Variants in SCAPER observed in about 807,000 individuals in gnomAD.
SCAPER encodes the protein S-phase cyclin A associated protein in the ER.
SCAPER carries 98 observed loss-of-function variants against 182.2 expected under a neutral mutation model. The observed-to-expected ratio is 0.54, with a 90% CI of 0.46 to 0.64. The LOEUF is 0.64. Ranked by LOEUF, SCAPER falls within the 30% of genes least tolerant of loss-of-function variation. SCAPER has a pLI of 0.00. For synonymous variants in SCAPER, 605 were observed against 564.6 expected, an observed-to-expected ratio of 1.07 and a Z score of -1.01; for missense variants, 1,432 against 1,690.0, an observed-to-expected ratio of 0.85 and a Z score of 2.68.
intron 20 of SCAPER, among the ~76,000 whole-genome samples, chr15:76,674,800 A>G (rs1368471253): frequency 6.6e-6 from 1 of 151,726 alleles, no homozygotes; most frequent in Non-Finnish European, 1.5e-5. Context: ...CCCTAATACA[A>G]TTATGCAGCA....
chr15:76,839,377 T>C (rs371066789), intron 5 of SCAPER, among the ~76,000 whole-genome samples: 9 of 152,310 alleles, frequency 5.9e-5, no homozygotes, highest in East Asian at 3.9e-4. Flanking sequence ...TATTGCGTCA[T>C]GTATCTCATA....
intron 1 of SCAPER, among the ~76,000 whole-genome samples, chr15:76,898,693 A>C (rs1366108335): frequency 6.6e-6 from 1 of 152,232 alleles, no homozygotes; most frequent in Non-Finnish European, 1.5e-5. Flanking sequence ...GAATAGGCAA[A>C]TCCATAAAGA....
rs1203189829 is a variant in SCAPER at position 76,362,661 on chromosome 15, T to A, written c.3856-8521A>T. 3.3e-5 allele frequency among the ~76,000 whole-genome samples: 5 copies of A among 152,270 alleles called. No homozygotes were observed. In the East Asian group the frequency reaches 9.7e-4, roughly 29 times the overall value. On this transcript the variant is annotated intron_variant, in intron 29 of 31. Coordinates refer to ENST00000563290, the MANE Select transcript of SCAPER (RefSeq NM_020843.4). ...CTCTTGACCTTGTGATCTACTCACC[T>A]CGGCCTCCCAAAGTGCTGGGATTAC...
chr15:76,543,520 G>A (rs2044975039), intron 23 of SCAPER, among the ~76,000 whole-genome samples: 1 of 152,124 alleles, frequency 6.6e-6, no homozygotes, highest in South Asian at 2.1e-4. Flanking sequence ...GTGGACAGAA[G>A]CTGCATGTTA....
intron 25 of SCAPER, among the ~76,000 whole-genome samples, chr15:76,463,914 T>C (rs2049378102): frequency 6.6e-6 from 1 of 151,948 alleles, no homozygotes. Context: ...CACATCTCAA[T>C]TTGCTCATCA....
chr15:76,644,678 T>G (rs1039151979), intron 21 of SCAPER, among the ~76,000 whole-genome samples: 4 of 152,130 alleles, frequency 2.6e-5, no homozygotes, highest in African/African-American at 9.7e-5. Context: ...ATACCCAGTA[T>G]AAAACCTAAA....
intron 22 of SCAPER, among the ~76,000 whole-genome samples, chr15:76,598,113 A>G (rs1277486749): frequency 8.3e-6 from 1 of 120,540 alleles, no homozygotes; most frequent in African/African-American, 2.5e-5. Flanking sequence ...CAAGAAAAAA[A>G]AAACAACCCC....
chr15:76,679,216 AT>A (rs2057543804), intron 20 of SCAPER, among the ~76,000 whole-genome samples: 1 of 152,182 alleles, frequency 6.6e-6, no homozygotes, highest in South Asian at 2.1e-4. Context: ...AAACTGTGAA[AT>A]TTGTCAGAGG....
intron 26 of SCAPER, among the ~76,000 whole-genome samples, chr15:76,423,870 G>C (rs1412759936): frequency 1.3e-5 from 2 of 152,032 alleles, no homozygotes; most frequent in East Asian, 3.8e-4. Context: ...CCTTCATTTC[G>C]TTATTTACCC....
intron 21 of SCAPER, among the ~76,000 whole-genome samples, chr15:76,659,660 C>T (rs1198299872): frequency 6.6e-6 from 1 of 152,148 alleles, no homozygotes; most frequent in African/African-American, 2.4e-5. Context: ...AAATGGAAAT[C>T]AAAACCATAA....
chr15:76,624,698 G>A (rs979887782), intron 21 of SCAPER, among the ~76,000 whole-genome samples: 3 of 152,148 alleles, frequency 2.0e-5, no homozygotes. Context: ...CTGGGGATGG[G>A]GACACCTCAA....
rs374853556 is a variant in SCAPER at position 76,625,794 on chromosome 15, A to G, written c.2646-3965T>C. ...ACGGTGGGAATGTGGACTGCTGGGG[A>G]TCACGCACTTCTTTCCCCACACTGG... On this transcript the variant is annotated intron_variant, in intron 21 of 31. Transcript: ENST00000563290. Among the ~76,000 whole-genome samples the G allele has an allele frequency of 1.6e-4, 25 of 152,076 alleles. 1 individual carries two copies. In the East Asian group the frequency reaches 4.7e-3, roughly 28 times the overall value.
chr15:76,845,647 G>T (rs918866720), intron 4 of SCAPER, among the ~76,000 whole-genome samples: 2 of 151,698 alleles, frequency 1.3e-5, no homozygotes, highest in Non-Finnish European at 2.9e-5. Context: ...ATTAACCAAA[G>T]AAGTGAAACA....
intron 1 of SCAPER, among the ~76,000 whole-genome samples, chr15:76,896,500 C>T (rs2074440915): frequency 6.6e-6 from 1 of 152,080 alleles, no homozygotes; most frequent in Non-Finnish European, 1.5e-5. Context: ...AAAGACATCC[C>T]ATGTTCATGA....
intron 24 of SCAPER, among the ~76,000 whole-genome samples, chr15:76,489,008 C>T (rs914423920): frequency 6.6e-6 from 1 of 151,178 alleles, no homozygotes; most frequent in Non-Finnish European, 1.5e-5. Context: ...CAGGCGTGAG[C>T]CACTGCGCCC....
At chr15:76,532,588 A>G (rs1163395694) in intron 23 of SCAPER, among the ~76,000 whole-genome samples, 1 of 152,116 alleles carries the variant, frequency 6.6e-6, no homozygotes, top group East Asian at 1.9e-4. Flanking sequence ...TCTATCACTC[A>G]TTAATTTTTT....
At chr15:76,800,186 C>T in intron 7 of SCAPER, 62 bp downstream of exon 7, 4 of 866,454 alleles carry the variant, frequency 4.6e-6, no homozygotes, top group Non-Finnish European at 7.3e-6. Flanking sequence ...AATCATAATA[C>T]TATAATAACT....
At chr15:76,383,884 C>G (rs573332567) in intron 27 of SCAPER, among the ~76,000 whole-genome samples, 5 of 152,132 alleles carry the variant, frequency 3.3e-5, no homozygotes, top group Admixed American at 3.3e-4. Flanking sequence ...ATAATGCAAT[C>G]TTGTATTGTC....
At chr15:76,590,051 G>A (rs1343204756) in intron 22 of SCAPER, among the ~76,000 whole-genome samples, 1 of 152,142 alleles carries the variant, frequency 6.6e-6, no homozygotes, top group Non-Finnish European at 1.5e-5. Flanking sequence ...TGGATCGTAG[G>A]AGCAATCCAC....
Sources: gnomAD v4.1 joint callset for allele counts (sites outside exome capture counted in the v4.1 genomes callset) on GRCh38, gnomAD v4.1.1 for gene constraint, MANE v1.5 for transcripts, NCBI Gene and HGNC (gene_info 2026-07-23, HGNC 2026-07-21) for gene names.